Variants in SERPINE2 observed in about 807,000 individuals in gnomAD.
The protein encoded by SERPINE2 is glia-derived nexin.
In SERPINE2, 14 loss-of-function variants were observed where a neutral mutation model predicts 36.3. The observed-to-expected ratio is 0.39, with a 90% CI of 0.25 to 0.60. SERPINE2 has a LOEUF of 0.60. SERPINE2 is among the 20% of genes least tolerant of loss of function. SERPINE2 has a pLI of 0.57. For synonymous variants in SERPINE2, 192 were observed against 191.8 expected (o/e 1.00, Z -0.01); for missense variants, 418 against 499.6 (o/e 0.84, Z 1.56).
At chr2:224,030,429 A>T (rs898411346) in intron 1 of SERPINE2, 1 of 158,308 alleles carries the variant, frequency 6.3e-6, no homozygotes, top group Admixed American at 6.5e-5. Context: ...GTGTCCCGAA[A>T]GTCAGCTCCA....
intron 3 of SERPINE2, among the ~76,000 whole-genome samples, chr2:223,992,921 G>A (rs1225511263): frequency 6.6e-6 from 1 of 152,118 alleles, no homozygotes; most frequent in African/African-American, 2.4e-5. Flanking sequence ...AGACCAGCCT[G>A]GGAAACATAG....
intron 1 of SERPINE2, among the ~76,000 whole-genome samples, chr2:224,017,382 C>A (rs971513444): frequency 3.9e-5 from 6 of 152,072 alleles, no homozygotes; most frequent in Non-Finnish European, 7.4e-5. Context: ...TAAGACAGAT[C>A]TTTTTATTTC....
At chr2:224,000,567 G>A (rs1012282704) in intron 2 of SERPINE2, among the ~76,000 whole-genome samples, 1 of 152,046 alleles carries the variant, frequency 6.6e-6, no homozygotes, top group African/African-American at 2.4e-5. Flanking sequence ...TGTGCAGAAC[G>A]TGTAGGTTTA....
intron 5 of SERPINE2, among the ~76,000 whole-genome samples, chr2:223,983,096 G>C (rs1200952757): frequency 6.6e-6 from 1 of 152,206 alleles, no homozygotes; most frequent in Non-Finnish European, 1.5e-5. Flanking sequence ...TGACGTGGAG[G>C]TTGAGTGTTA....
chr2:223,978,978 GAC>G (rs1233609632), intron 7 of SERPINE2: 2 of 151,968 alleles, frequency 1.3e-5, no homozygotes, highest in Non-Finnish European at 2.9e-5. Flanking sequence ...ACCATGTGAG[GAC>G]ACAGGGAGGG....
rs760781229 is a variant in SERPINE2 at position 224,001,761 on chromosome 2, G to A, written c.140C>T (p.Pro47Leu). 3.2e-5 allele frequency: 51 copies of A among 1,613,932 alleles called. No individual in the cohort carries two copies. The highest frequency in any genetic ancestry group is 4.2e-5 in the Non-Finnish European group (50 of 1,180,034). ...QVFNQIVKSRPHDNIVISPHG... is the reference protein window; with the variant it reads ...QVFNQIVKSRLHDNIVISPHG... ...GGGAGAGATCACGATGTTGTCATGA[G>A]GCCTCGACTTCACAATCTGATTGAA... Residue 47 changes from proline (P) to leucine (L), a missense_variant, in exon 2 of 9, where the codon CCT becomes CTT. Transcript: ENST00000409304.
At chr2:224,023,482 G>A (rs559111350) in intron 1 of SERPINE2, among the ~76,000 whole-genome samples, 1 of 152,324 alleles carries the variant, frequency 6.6e-6, no homozygotes, top group South Asian at 2.1e-4. Flanking sequence ...GGGAAGCCAG[G>A]AAAGTGCTGA....
At chr2:223,996,936 G>A (rs1690911644) in intron 3 of SERPINE2, among the ~76,000 whole-genome samples, 1 of 152,114 alleles carries the variant, frequency 6.6e-6, no homozygotes, top group South Asian at 2.1e-4. Context: ...AATTAGCCAG[G>A]CATGGTGGCG....
At chr2:224,005,712 C>G (rs1691397636) in intron 1 of SERPINE2, among the ~76,000 whole-genome samples, 1 of 152,166 alleles carries the variant, frequency 6.6e-6, no homozygotes, top group Non-Finnish European at 1.5e-5. Context: ...TGTTTATTTT[C>G]CTTTTTAAGA....
chr2:224,038,551 T>A, intron 1 of SERPINE2: 12 of 1,546,574 alleles, frequency 7.8e-6, no homozygotes, highest in Non-Finnish European at 1.1e-5. Context: ...AGCAAAGACC[T>A]GCTCGCTCGG....
At chr2:223,975,951 C>T in intron 8 of SERPINE2, 47 bp from the exon 9 acceptor site, 1 of 1,520,740 alleles carries the variant, frequency 6.6e-7, no homozygotes, top group Non-Finnish European at 9.0e-7. Flanking sequence ...AATTAATAAT[C>T]CTTAAAATAA....
intron 1 of SERPINE2, chr2:224,038,440 T>C: frequency 6.6e-7 from 1 of 1,519,592 alleles, no homozygotes; most frequent in Non-Finnish European, 8.9e-7. Context: ...GTGGACACAT[T>C]AAATGCCTAA....
At position 223,992,375 on chromosome 2, in the gene SERPINE2, T is replaced by G. The variant is rs370769543; in HGVS notation, c.488-375A>C. ...CTTCTTCTTTTCTTTTTTTTGCCAA[T>G]AAATGACTGATAGTAAGGGTTTCTG... On this transcript the variant is annotated intron_variant, in intron 3 of 8. Transcript: ENST00000409304. Among the ~76,000 whole-genome samples the G allele has an allele frequency of 1.4e-4, 22 of 152,252 alleles. No individual in the cohort carries two copies. The East Asian group carries it at 4.3e-3, about 29-fold the overall frequency.
intron 1 of SERPINE2, chr2:224,038,582 C>A: frequency 1.4e-6 from 2 of 1,402,530 alleles, no homozygotes; most frequent in South Asian, 1.2e-5. Flanking sequence ...CTGCCAGAGG[C>A]CAAGTTAAAG....
At chr2:224,009,131 C>CA (rs1691532423) in intron 1 of SERPINE2, among the ~76,000 whole-genome samples, 1 of 152,178 alleles carries the variant, frequency 6.6e-6, no homozygotes, top group South Asian at 2.1e-4. Flanking sequence ...ATGCCAGCGA[C>CA]AAACAACCGA....
Position 223,984,908 on chromosome 2 carries a change from T to G in SERPINE2, c.728A>C (p.Glu243Ala), listed in dbSNP as rs1221493467. ...GATGCTTTCCCCGTGGTAGGGCAGT[T>G]CAATGAAGTTGTACCATAAATCATT... ...APNDLWYNFI[E>A]LPYHGESISM... The change falls in exon 5 of 9, where the codon GAA becomes GCA. Residue 243 changes from glutamate to alanine, a missense_variant. By Grantham distance (107) the Glu-to-Ala change is moderately radical. Coordinates refer to ENST00000409304, the MANE Select transcript of SERPINE2 (RefSeq NM_001136528.2). The G allele has an allele frequency of 6.2e-7, 1 of 1,614,160 alleles. No homozygotes were observed. Among genetic ancestry groups the G allele is most frequent in the South Asian group, 1.1e-5 (1 of 91,078 alleles).
intron 1 of SERPINE2, among the ~76,000 whole-genome samples, chr2:224,019,215 C>T (rs913556791): frequency 1.3e-5 from 2 of 151,922 alleles, no homozygotes; most frequent in Non-Finnish European, 2.9e-5. Context: ...ATAAATTAGG[C>T]ATAGTAAGAG....
chr2:224,020,647 C>T (rs757901192), intron 1 of SERPINE2, among the ~76,000 whole-genome samples: 2 of 152,176 alleles, frequency 1.3e-5, no homozygotes, highest in Admixed American at 6.5e-5. Flanking sequence ...AAATGCCCCA[C>T]GAGTCATTTA....
chr2:224,034,704 G>A (rs1398305326), intron 1 of SERPINE2, among the ~76,000 whole-genome samples: 1 of 152,120 alleles, frequency 6.6e-6, no homozygotes, highest in Non-Finnish European at 1.5e-5. Flanking sequence ...AAGGGTGGGG[G>A]ACTCCCTGGG....
Sources: gnomAD v4.1 joint callset for allele counts (sites outside exome capture counted in the v4.1 genomes callset) on GRCh38, gnomAD v4.1.1 for gene constraint, MANE v1.5 for transcripts, NCBI Gene and HGNC (gene_info 2026-07-23, HGNC 2026-07-21) for gene names.